TMEM132D: variants seen among roughly 807,000 people sequenced by gnomAD.
The protein encoded by TMEM132D is transmembrane protein 132D.
In TMEM132D, 21 loss-of-function variants were observed where a neutral mutation model predicts 62.3. The observed-to-expected ratio is 0.34, with a 90% CI of 0.24 to 0.49. The LOEUF (loss-of-function observed/expected upper bound fraction) is 0.49, where lower values mean the gene tolerates loss of function less well. TMEM132D is among the 20% of genes least tolerant of loss of function. TMEM132D has a pLI of 0.99. For synonymous variants in TMEM132D, 621 were observed against 575.6 expected (o/e 1.08, Z -1.13); for missense variants, 1,346 against 1,402.8 (o/e 0.96, Z 0.65).
intron 1 of TMEM132D, among the ~76,000 whole-genome samples, chr12:129,784,992 A>AG (rs1179038314): frequency 2.6e-5 from 4 of 152,188 alleles, no homozygotes; most frequent in Non-Finnish European, 5.9e-5. Context: ...ATGAGGCCTG[A>AG]GGGTGTTTCT....
At chr12:129,190,601 G>A (rs1046116053) in intron 5 of TMEM132D, among the ~76,000 whole-genome samples, 3 of 150,906 alleles carry the variant, frequency 2.0e-5, no homozygotes, top group South Asian at 2.1e-4. Flanking sequence ...GGGGCCTGTA[G>A]ATGGAGGGAG....
At chr12:129,753,245 T>C (rs924995697) in intron 1 of TMEM132D, among the ~76,000 whole-genome samples, 4 of 152,288 alleles carry the variant, frequency 2.6e-5, no homozygotes, top group South Asian at 2.1e-4. Context: ...CCTCCTGGAG[T>C]GAAGGCCTCA....
At chr12:129,837,783 C>G (rs897102618) in intron 1 of TMEM132D, among the ~76,000 whole-genome samples, 1 of 152,152 alleles carries the variant, frequency 6.6e-6, no homozygotes, top group Non-Finnish European at 1.5e-5. Flanking sequence ...CACAATAGTT[C>G]CTGGACTTCC....
At chr12:129,454,891 G>A (rs563914697) in intron 3 of TMEM132D, among the ~76,000 whole-genome samples, 2 of 152,304 alleles carry the variant, frequency 1.3e-5, no homozygotes, top group South Asian at 4.1e-4. Flanking sequence ...TATCCTGGTA[G>A]TGACCTCCCT....
intron 2 of TMEM132D, among the ~76,000 whole-genome samples, chr12:129,574,708 G>A (rs1003602017): frequency 1.3e-5 from 2 of 151,694 alleles, no homozygotes; most frequent in African/African-American, 2.4e-5. Flanking sequence ...ATGAAAACCC[G>A]AGAATATAGC....
At chr12:129,885,293 T>C (rs1121342) in intron 1 of TMEM132D, among the ~76,000 whole-genome samples, 148,282 of 152,336 alleles carry the variant, frequency 0.97, 72,285 homozygotes, top group East Asian at 1. Flanking sequence ...TTAGCCTGAC[T>C]TTCTCCACTC....
chr12:129,878,767 C>T (rs1336688051), intron 1 of TMEM132D, among the ~76,000 whole-genome samples: 1 of 152,098 alleles, frequency 6.6e-6, no homozygotes, highest in Non-Finnish European at 1.5e-5. Context: ...AAGGGTTTCA[C>T]CATGTTGGCC....
intron 5 of TMEM132D, among the ~76,000 whole-genome samples, chr12:129,097,937 C>A (rs1875168361): frequency 6.6e-6 from 1 of 152,218 alleles, no homozygotes; most frequent in African/African-American, 2.4e-5. Flanking sequence ...GGAATCAATT[C>A]TTTCTTTCAT....
intron 4 of TMEM132D, among the ~76,000 whole-genome samples, chr12:129,292,465 T>C (rs1404683612): frequency 6.6e-6 from 1 of 152,138 alleles, no homozygotes; most frequent in Non-Finnish European, 1.5e-5. Context: ...GATTGATCCA[T>C]CCTTTATGGA....
At chr12:129,320,173 T>C (rs940072546) in intron 4 of TMEM132D, among the ~76,000 whole-genome samples, 9 of 152,190 alleles carry the variant, frequency 5.9e-5, no homozygotes, top group African/African-American at 2.2e-4. Flanking sequence ...TAAAGTCTAG[T>C]TCAACTCTCT....
chr12:129,627,513 T>C (rs1397288804), intron 2 of TMEM132D, among the ~76,000 whole-genome samples: 1 of 152,126 alleles, frequency 6.6e-6, no homozygotes, highest in African/African-American at 2.4e-5. Context: ...TAAGTGACCC[T>C]GACTGTATAC....
chr12:129,477,826 AAAAAT>A (rs1419069876), intron 3 of TMEM132D, among the ~76,000 whole-genome samples: 20 of 152,300 alleles, frequency 1.3e-4, no homozygotes, highest in Admixed American at 2.0e-4. Flanking sequence ...ATTTCAAAAA[AAAAAT>A]AAAATAAAAT....
chr12:129,560,747 C>T (rs563696084), intron 2 of TMEM132D, among the ~76,000 whole-genome samples: 3 of 152,328 alleles, frequency 2.0e-5, no homozygotes, highest in South Asian at 2.1e-4. Flanking sequence ...GGTACTTGCT[C>T]ACCAAGGGTG....
intron 1 of TMEM132D, among the ~76,000 whole-genome samples, chr12:129,866,882 T>C (rs934669093): frequency 1.4e-4 from 22 of 152,202 alleles, no homozygotes; most frequent in South Asian, 2.1e-4. Flanking sequence ...AGTCAGCCTA[T>C]GTGTCCATTA....
At position 129,281,421 on chromosome 12, in the gene TMEM132D, T is replaced by C. The variant is rs1411881848; in HGVS notation, c.1299+56213A>G. Among the ~76,000 whole-genome samples the C allele has an allele frequency of 2.4e-5, 3 of 123,864 alleles. No individual in the cohort carries two copies. In the South Asian group the frequency reaches 8.4e-4, roughly 35 times the overall value. 81.3% of individuals were successfully genotyped at this position (123,864 alleles called of 152,430 possible). ...ACTGTCAATCAATAAATAAATTCTT[T>C]TTTTTTTAAAAAAAAAAAGAAAGAA... On this transcript the variant is annotated intron_variant, in intron 4 of 8. Transcript: ENST00000422113.
At chr12:129,342,190 G>A (rs1354538315) in intron 3 of TMEM132D, among the ~76,000 whole-genome samples, 4 of 152,064 alleles carry the variant, frequency 2.6e-5, no homozygotes, top group East Asian at 1.9e-4. Flanking sequence ...ACAAGGCTAT[G>A]GTAACCAAAA....
chr12:129,807,068 GTAAT>G (rs772165129), intron 1 of TMEM132D, among the ~76,000 whole-genome samples: 9 of 152,098 alleles, frequency 5.9e-5, no homozygotes, highest in Non-Finnish European at 1.3e-4. Context: ...AATGAATAAA[GTAAT>G]TGCCAAATGA....
intron 5 of TMEM132D, among the ~76,000 whole-genome samples, chr12:129,140,762 G>T (rs753310786): frequency 6.6e-6 from 1 of 151,478 alleles, no homozygotes; most frequent in Non-Finnish European, 1.5e-5. Flanking sequence ...TCGCTTGAAC[G>T]CTGGTGGTGG....
chr12:129,214,262 G>A (rs958429862), intron 4 of TMEM132D, among the ~76,000 whole-genome samples: 85 of 85,016 alleles, frequency 1.0e-3, no homozygotes, highest in African/African-American at 3.7e-3. Flanking sequence ...CAGAATTAGA[G>A]TGCTTTTTAT....
Sources: gnomAD v4.1 joint callset for allele counts (sites outside exome capture counted in the v4.1 genomes callset) on GRCh38, gnomAD v4.1.1 for gene constraint, MANE v1.5 for transcripts, NCBI Gene and HGNC (gene_info 2026-07-23, HGNC 2026-07-21) for gene names.